The following COG5 variants were observed in gnomAD, a reference collection of about 807,000 sequenced individuals.
The protein encoded by COG5 is conserved oligomeric Golgi complex subunit 5.
A neutral mutation model predicts 110.4 loss-of-function variants in COG5; 86 were observed. The observed-to-expected ratio is 0.78, with a 90% CI of 0.65 to 0.93. The LOEUF is 0.93. Ranked by LOEUF, COG5 falls within the 40% of genes least tolerant of loss-of-function variation. The pLI, the probability that COG5 is intolerant of heterozygous loss-of-function variation, is 0.00. For synonymous variants in COG5, 360 were observed against 334.6 expected (o/e 1.08, Z -0.83); for missense variants, 1,077 against 987.0 (o/e 1.09, Z -1.22).
intron 6 of COG5, among the ~76,000 whole-genome samples, chr7:107,413,213 CTATGTTGTTCAAGCTGGTCTCAA>C (rs1291748629): frequency 6.6e-6 from 1 of 151,952 alleles, no homozygotes; most frequent in Non-Finnish European, 1.5e-5. Flanking sequence ...CAGGGTCTCA[CTATGTTGTTCAAGCTGGTCTCAA>C]ACTCCTGGCC....
chr7:107,474,556 ATTTTTTC>A lies in COG5; in HGVS notation c.538+52674_538+52680del. On this transcript the variant is annotated intron_variant, in intron 6 of 21. Coordinates refer to ENST00000297135, the MANE Select transcript of COG5 (RefSeq NM_006348.5). This position sits in a 1 kb window ranked among gnomAD's most constrained non-coding sequence, Gnocchi z 5.7. ...TGTAATGTTAATGATATCCATTTGG[ATTTTTTC>A]TTTTTTCTCTTTCCTGATTCCTTTT... The A allele has an allele frequency of 6.2e-7, 1 of 1,610,838 alleles. No homozygotes were observed. Among genetic ancestry groups the A allele is most frequent in the Non-Finnish European group, 8.5e-7 (1 of 1,178,498 alleles).
chr7:107,216,684 A>T (rs1485039929), intron 19 of COG5, among the ~76,000 whole-genome samples: 1 of 152,244 alleles, frequency 6.6e-6, no homozygotes, highest in Non-Finnish European at 1.5e-5. Flanking sequence ...AGAGAAATCA[A>T]AAAACATCTT....
In COG5 at chr7:107,209,489, G is replaced by C. The variant is rs1232072707; in HGVS notation, c.2375+1037C>G. On this transcript the variant is annotated intron_variant, in intron 21 of 21. Coordinates refer to ENST00000297135, the MANE Select transcript of COG5 (RefSeq NM_006348.5). ...TCCAGAGGCAGTCACAGACCTGAGG[G>C]CTCTTAAGTATAGAAGGGGCACTAG... 3.8e-5 allele frequency: 6 copies of C among 158,052 alleles called. No individual in the cohort carries two copies. In the Admixed American group the frequency reaches 3.9e-4, roughly 10 times the overall value. The allele number at this position is 158,052 out of a possible 1,614,324, so 9.8% of individuals were successfully genotyped here.
At chr7:107,330,197 T>C (rs995745641) in intron 10 of COG5, among the ~76,000 whole-genome samples, 2 of 152,226 alleles carry the variant, frequency 1.3e-5, no homozygotes, top group Non-Finnish European at 2.9e-5. Flanking sequence ...ATTTGTAATT[T>C]AAAGTATCTT....
intron 6 of COG5, among the ~76,000 whole-genome samples, chr7:107,500,439 A>T (rs1221157510): frequency 6.6e-6 from 1 of 152,162 alleles, no homozygotes; most frequent in East Asian, 1.9e-4. Context: ...GTACTACCTC[A>T]TTCTGAGGAT....
intron 6 of COG5, among the ~76,000 whole-genome samples, chr7:107,484,655 T>C (rs1323863680): frequency 6.6e-6 from 1 of 152,164 alleles, no homozygotes; most frequent in African/African-American, 2.4e-5. Context: ...TATCCCTCAA[T>C]GTATAACACT....
intron 7 of COG5, among the ~76,000 whole-genome samples, chr7:107,402,054 A>T (rs1791471785): frequency 6.6e-6 from 1 of 152,182 alleles, no homozygotes; most frequent in Non-Finnish European, 1.5e-5. Context: ...TCATAATATC[A>T]AAATTTCTTA....
At chr7:107,493,082 C>T (rs1448868137) in intron 6 of COG5, among the ~76,000 whole-genome samples, 1 of 152,100 alleles carries the variant, frequency 6.6e-6, no homozygotes, top group Non-Finnish European at 1.5e-5. Flanking sequence ...TACAGCAATG[C>T]TGCTATAAAA....
At chr7:107,333,300 G>A (rs1046939988) in intron 10 of COG5, among the ~76,000 whole-genome samples, 1 of 152,120 alleles carries the variant, frequency 6.6e-6, no homozygotes, top group East Asian at 1.9e-4. Context: ...TAGCCTTCGA[G>A]GGGAAACATT....
intron 6 of COG5, among the ~76,000 whole-genome samples, chr7:107,447,608 G>A (rs1311125041): frequency 6.6e-6 from 1 of 152,042 alleles, no homozygotes; most frequent in African/African-American, 2.4e-5. Flanking sequence ...TTATATTAGA[G>A]GCTATAGGCA....
intron 11 of COG5, among the ~76,000 whole-genome samples, chr7:107,315,420 T>C (rs189804081): frequency 3.3e-4 from 50 of 152,232 alleles, no homozygotes; most frequent in African/African-American, 1.2e-3. Flanking sequence ...AACAACTTCT[T>C]TGAGTGGCTT....
chr7:107,412,072 C>A (rs960565631), intron 7 of COG5, among the ~76,000 whole-genome samples: 2 of 151,952 alleles, frequency 1.3e-5, no homozygotes, highest in Non-Finnish European at 2.9e-5. Flanking sequence ...AAATTTGAAT[C>A]CAAACTAAAT....
At chr7:107,226,366 A>T (rs1028854355) in intron 19 of COG5, among the ~76,000 whole-genome samples, 4 of 152,330 alleles carry the variant, frequency 2.6e-5, no homozygotes, top group African/African-American at 9.6e-5. Context: ...AAGTGCACAT[A>T]TTAATAAGAG....
intron 7 of COG5, among the ~76,000 whole-genome samples, chr7:107,382,444 T>C (rs1367557444): frequency 6.6e-6 from 1 of 152,224 alleles, no homozygotes; most frequent in Non-Finnish European, 1.5e-5. Flanking sequence ...TTTTTTTCTT[T>C]CTTTTTTTGA....
intron 3 of COG5, chr7:107,549,159 T>C (rs1802692502): frequency 6.6e-6 from 1 of 152,234 alleles, no homozygotes; most frequent in Non-Finnish European, 1.5e-5. Flanking sequence ...TGTGGTGTAT[T>C]CACCATACAC....
chr7:107,492,031 T>C (rs1385097085), intron 6 of COG5, among the ~76,000 whole-genome samples: 1 of 152,158 alleles, frequency 6.6e-6, no homozygotes, highest in Admixed American at 6.6e-5. Flanking sequence ...TGTTTATTTT[T>C]AAATCATCAG....
intron 7 of COG5, among the ~76,000 whole-genome samples, chr7:107,381,764 C>T (rs1181360790): frequency 6.6e-6 from 1 of 152,162 alleles, no homozygotes; most frequent in Non-Finnish European, 1.5e-5. Flanking sequence ...ACTCAGAAAG[C>T]TGAAGCAAAC....
At position 107,216,333 on chromosome 7, in the gene COG5, G is replaced by A. The variant is rs75215118; in HGVS notation, c.2169-5108C>T. Among the ~76,000 whole-genome samples, 598 of 152,198 alleles carry A rather than the reference G, an allele frequency of 3.9e-3. 12 individuals are homozygous for A. The East Asian group carries it at 0.062, about 16-fold the overall frequency. ...ACTTCAATACCTCACTTTCAACAAC[G>A]GCAGATCATCCAGATAGAAAGTTAA... is the stretch of plus-strand genomic sequence containing the variant. On this transcript the variant is annotated intron_variant, in intron 19 of 21. Coordinates refer to ENST00000297135, the MANE Select transcript of COG5 (RefSeq NM_006348.5).
intron 10 of COG5, among the ~76,000 whole-genome samples, chr7:107,361,649 C>A (rs768405758): frequency 3.1e-4 from 47 of 152,192 alleles, no homozygotes; most frequent in Non-Finnish European, 7.3e-5. Flanking sequence ...GCAACCTCTG[C>A]CTCCTGGTTT....
Sources: allele counts gnomAD v4.1 joint callset (sites outside exome capture counted in the v4.1 genomes callset), GRCh38; gene constraint gnomAD v4.1.1; non-coding constraint Gnocchi (gnomAD v3.1); transcripts MANE v1.5; gene names NCBI Gene and HGNC (gene_info 2026-07-23, HGNC 2026-07-21).